Variants in GRM5 observed in about 807,000 individuals in gnomAD.
GRM5 encodes the protein metabotropic glutamate receptor 5.
Under a neutral mutation model 83.1 loss-of-function variants are expected in GRM5, and 19 were observed. The ratio of observed to expected loss-of-function variants is 0.23; its 90% CI spans 0.16 to 0.34. The LOEUF (loss-of-function observed/expected upper bound fraction) is 0.34, where lower values mean the gene tolerates loss of function less well. Ranked by LOEUF, GRM5 falls within the 10% of genes least tolerant of loss-of-function variation. GRM5 has a pLI of 1.00. For synonymous variants in GRM5, 675 were observed against 633.6 expected (o/e 1.07, Z -0.98); for missense variants, 1,160 against 1,588.3 (o/e 0.73, Z 4.58).
At chr11:88,728,346 A>G (rs1370196695) in intron 3 of GRM5, among the ~76,000 whole-genome samples, 1 of 152,172 alleles carries the variant, frequency 6.6e-6, no homozygotes, top group Non-Finnish European at 1.5e-5. Flanking sequence ...ATCCCTGAAT[A>G]GACTAATAAC....
intron 2 of GRM5, among the ~76,000 whole-genome samples, chr11:88,940,146 G>A (rs1182175371): frequency 6.6e-6 from 1 of 151,880 alleles, no homozygotes; most frequent in Non-Finnish European, 1.5e-5. Flanking sequence ...ATCAGATTCA[G>A]TCTTCTATTA....
intron 2 of GRM5, among the ~76,000 whole-genome samples, chr11:88,907,993 A>C (rs560930604): frequency 6.6e-6 from 1 of 152,288 alleles, no homozygotes; most frequent in East Asian, 1.9e-4. Context: ...AGGAGACTAA[A>C]TGCAGCATAA....
chr11:88,765,844 G>A (rs1942616157), intron 3 of GRM5, among the ~76,000 whole-genome samples: 1 of 151,768 alleles, frequency 6.6e-6, no homozygotes, highest in Non-Finnish European at 1.5e-5. Flanking sequence ...AGACAAATTT[G>A]ACTTCAGGAA....
At chr11:88,728,427 C>T (rs1334163261) in intron 3 of GRM5, among the ~76,000 whole-genome samples, 1 of 152,018 alleles carries the variant, frequency 6.6e-6, no homozygotes, top group African/African-American at 2.4e-5. Flanking sequence ...GGATTCACAA[C>T]CGAATTCTAC....
At chr11:88,570,569 ATATTTTTTT>A (rs1160639489) in intron 7 of GRM5, among the ~76,000 whole-genome samples, 211 of 73,782 alleles carry the variant, frequency 2.9e-3, no homozygotes, top group African/African-American at 7.8e-3. Context: ...ATATATATAT[ATATTTTTTT>A]TTTTTTTTTT....
At chr11:88,510,619 C>T (rs567819482) in intron 9 of GRM5, among the ~76,000 whole-genome samples, 11 of 152,174 alleles carry the variant, frequency 7.2e-5, no homozygotes, top group East Asian at 1.9e-4. Flanking sequence ...GGGATTCAAG[C>T]GAATCTCCTG....
rs1308202585 is a variant in GRM5 at position 88,736,232 on chromosome 11, C to A, written c.912-82829G>T. The stretch of plus-strand genomic sequence containing the variant: ...ATGCAACAAACCTAAAAAAAACTTT[C>A]TTGAAAGTAACGGATGCCTAATGTT... On this transcript the variant is annotated intron_variant, in intron 3 of 9. Transcript: ENST00000305447. 2.6e-5 allele frequency among the ~76,000 whole-genome samples: 4 copies of A among 152,162 alleles called. No homozygotes were observed. In the East Asian group the frequency reaches 7.7e-4, roughly 29 times the overall value.
At chr11:88,530,321 T>C (rs1421326103) in intron 8 of GRM5, among the ~76,000 whole-genome samples, 1 of 152,056 alleles carries the variant, frequency 6.6e-6, no homozygotes, top group East Asian at 1.9e-4. Flanking sequence ...TTATGCCTAA[T>C]ACAGCTTTGA....
At position 88,852,520 on chromosome 11, in the gene GRM5, C is replaced by T. The variant is rs116189486; in HGVS notation, c.662-2365G>A. ...AACAGTGGAGAAAATGGCACTATTACTGTACACTAGACTAAAAAATTAAGC... is the reference window on the plus strand; with the variant it reads ...AACAGTGGAGAAAATGGCACTATTATTGTACACTAGACTAAAAAATTAAGC... On this transcript the variant is annotated intron_variant, in intron 2 of 9. Transcript: ENST00000305447. Among the ~76,000 whole-genome samples, 236 of 152,130 alleles carry T rather than the reference C, an allele frequency of 1.6e-3. 1 individual carries two copies. The highest frequency in any genetic ancestry group is 5.3e-3 in the African/African-American group (221 of 41,522).
intron 2 of GRM5, among the ~76,000 whole-genome samples, chr11:88,864,374 A>G (rs1375551251): frequency 6.6e-6 from 1 of 151,916 alleles, no homozygotes; most frequent in Non-Finnish European, 1.5e-5. Flanking sequence ...GAGTATTACA[A>G]TGACAGAGTT....
chr11:88,836,046 A>G (rs1461682285), intron 3 of GRM5, among the ~76,000 whole-genome samples: 1 of 151,394 alleles, frequency 6.6e-6, no homozygotes, highest in East Asian at 1.9e-4. Context: ...AGAAGGATTG[A>G]AAAAAAAAGT....
chr11:88,684,703 A>T (rs1352715751), intron 3 of GRM5, among the ~76,000 whole-genome samples: 1 of 152,144 alleles, frequency 6.6e-6, no homozygotes, highest in Non-Finnish European at 1.5e-5. Context: ...CTGGTGGGAG[A>T]TAATTTGAAT....
chr11:88,942,910 A>T (rs1310751390), intron 2 of GRM5, among the ~76,000 whole-genome samples: 2 of 152,074 alleles, frequency 1.3e-5, no homozygotes, highest in Non-Finnish European at 2.9e-5. Context: ...GATACAAAGT[A>T]GAATGCCAGA....
At chr11:88,691,091 A>C (rs1176111042) in intron 3 of GRM5, among the ~76,000 whole-genome samples, 1 of 152,152 alleles carries the variant, frequency 6.6e-6, no homozygotes, top group East Asian at 1.9e-4. Flanking sequence ...AACTAACGTT[A>C]AGCCCTTCAA....
At chr11:88,627,663 A>T (rs1208771388) in intron 4 of GRM5, among the ~76,000 whole-genome samples, 1 of 152,078 alleles carries the variant, frequency 6.6e-6, no homozygotes, top group African/African-American at 2.4e-5. Flanking sequence ...TCAATCACCT[A>T]AAATTGAATC....
chr11:88,588,369 A>AT (rs1591366929), intron 7 of GRM5, among the ~76,000 whole-genome samples: 2 of 152,292 alleles, frequency 1.3e-5, no homozygotes, highest in East Asian at 3.9e-4. Context: ...TCAAAATAAT[A>AT]AACTGTGCCA....
intron 2 of GRM5, among the ~76,000 whole-genome samples, chr11:88,908,774 C>T (rs1729145364): frequency 6.6e-6 from 1 of 152,072 alleles, no homozygotes; most frequent in African/African-American, 2.4e-5. Flanking sequence ...TATCTCAGTT[C>T]AACCTAAAAC....
intron 8 of GRM5, among the ~76,000 whole-genome samples, chr11:88,566,237 A>G (rs368374833): frequency 1.3e-5 from 2 of 152,018 alleles, no homozygotes; most frequent in Non-Finnish European, 2.9e-5. Context: ...ATACTTCAAC[A>G]TTTTTCCCAA....
rs554126770 is a variant in GRM5 at position 88,632,998 on chromosome 11, G to T, written c.1147+20170C>A. ...TTATATCTTCTTTGATGAAATGAGT[G>T]TTCATCAATATTTTGAACAAGCATG... On this transcript the variant is annotated intron_variant, in intron 4 of 9. Transcript: ENST00000305447. 2.6e-5 allele frequency among the ~76,000 whole-genome samples: 4 copies of T among 152,190 alleles called. No homozygotes were observed. In the East Asian group the frequency reaches 7.7e-4, roughly 29 times the overall value.
Sources: gnomAD v4.1 joint callset for allele counts (sites outside exome capture counted in the v4.1 genomes callset) on GRCh38, gnomAD v4.1.1 for gene constraint, MANE v1.5 for transcripts, NCBI Gene and HGNC (gene_info 2026-07-23, HGNC 2026-07-21) for gene names.